Variants in AHNAK2 observed in about 807,000 individuals in gnomAD.
AHNAK2 encodes the protein AHNAK nucleoprotein 2, also known as protein AHNAK2.
Under a neutral mutation model 30.7 loss-of-function variants are expected in AHNAK2, and 18 were observed. The ratio of observed to expected loss-of-function variants is 0.59; its 90% CI spans 0.41 to 0.87. The LOEUF (loss-of-function observed/expected upper bound fraction) is 0.87. Among genes scored for constraint, AHNAK2 ranks in the 40% least tolerant of loss-of-function variants. AHNAK2 has a pLI of 0.00. For synonymous variants in AHNAK2, 3,590 were observed against 3,073.8 expected, an observed-to-expected ratio of 1.17 and a Z score of -5.56; for missense variants, 8,604 against 7,373.0, an observed-to-expected ratio of 1.17 and a Z score of -6.11.
intron 1 of AHNAK2, among the ~76,000 whole-genome samples, chr14:104,974,354 C>T (rs537888746): frequency 6.6e-6 from 1 of 152,358 alleles, no homozygotes; most frequent in African/African-American, 2.4e-5. Context: ...TGGGGCTCCC[C>T]GGTGCCCTCA....
At position 104,938,586 on chromosome 14, in the gene AHNAK2, G is replaced by T; in HGVS notation, c.16865C>A (p.Ala5622Glu). 6.2e-7 allele frequency: 1 copy of T among 1,613,208 alleles called. No homozygotes were observed. Among genetic ancestry groups the T allele is most frequent in the Non-Finnish European group, 8.5e-7 (1 of 1,179,706 alleles). ...GCCTTCATCTGCCAGTGGTGTGGTTGCCTCTTGGCTATCATCAGGGGGAAA... is the reference window on the plus strand; with the variant it reads ...GCCTTCATCTGCCAGTGGTGTGGTTTCCTCTTGGCTATCATCAGGGGGAAA... ...LEFPPDDSQE[A>E]TTPLADEGRA... Residue 5622 changes from alanine to glutamate, a missense_variant, in exon 7 of 7, where the codon GCA becomes GAA. Physicochemically the swap from Ala to Glu is moderately radical, Grantham distance 107 (BLOSUM62 -1). Coordinates refer to ENST00000333244, the MANE Select transcript of AHNAK2 (RefSeq NM_138420.4).
intron 4 of AHNAK2, 69 bp downstream of exon 4, chr14:104,956,519 T>C: frequency 3.3e-6 from 5 of 1,534,044 alleles, no homozygotes; most frequent in Non-Finnish European, 3.6e-6. Context: ...TGCTCTGACC[T>C]CGGACTCTCT....
chr14:104,943,584 A>T lies in AHNAK2; in HGVS notation c.11867T>A (p.Leu3956Gln). 6.2e-7 allele frequency: 1 copy of T among 1,613,092 alleles called. No individual in the cohort carries two copies. Among genetic ancestry groups the T allele is most frequent in the East Asian group, 2.2e-5 (1 of 44,776 alleles). Residue 3956 changes from leucine to glutamine, a missense_variant, in exon 7 of 7, where the codon CTG becomes CAG. Coordinates refer to ENST00000333244, the MANE Select transcript of AHNAK2 (RefSeq NM_138420.4). ...TTTGGCCGTCATGTCCTTGTCGGCC[A>T]GGGACAGGTCCCCCTCCAGCCGCGC... ...DGARLEGDLS[L>Q]ADKDMTAKDS...
rs767730426 is a variant in AHNAK2, at chr14:104,978,283, C to T, written c.-46G>A. 3.0e-5 allele frequency: 26 copies of T among 859,286 alleles called. No homozygotes were observed. The East Asian group carries it at 1.5e-3, about 50-fold the overall frequency. The allele number at this position is 859,286 out of a possible 1,614,324, so 53.2% of individuals were successfully genotyped here. ...GGCCTGGCGGCCCGTCGCGTCCAGTCGCTGGTCCCGGCTCCGGCGCACGGG... is the reference window on the plus strand; with the variant it reads ...GGCCTGGCGGCCCGTCGCGTCCAGTTGCTGGTCCCGGCTCCGGCGCACGGG... On this transcript the variant is annotated 5_prime_UTR_variant, in exon 1 of 7. Coordinates refer to ENST00000333244, the MANE Select transcript of AHNAK2 (RefSeq NM_138420.4).
chr14:104,969,011 TGAA>T (rs1449488605), intron 1 of AHNAK2, among the ~76,000 whole-genome samples: 1 of 152,146 alleles, frequency 6.6e-6, no homozygotes, highest in African/African-American at 2.4e-5. Context: ...TGGAACTTCA[TGAA>T]GAAGGTGCCA....
rs201666537 is a variant in AHNAK2, at chr14:104,950,776, C to T, written c.4675G>A (p.Val1559Met). Reference protein sequence around the residue: ...DLEVQAGQVDVKLPEGPVSEG... With the variant: ...DLEVQAGQVDMKLPEGPVSEG... ...GACACAGGGCCCTCTGGGAGTTTCA[C>T]GTCCACTTGGCCAGCCTGGACCTCC... The change falls in exon 7 of 7, where the codon GTG becomes ATG. Residue 1559 changes from valine to methionine, a missense_variant. Transcript: ENST00000333244. The T allele has an allele frequency of 1.0e-4, 158 of 1,586,734 alleles. 9 individuals are homozygous for T. Among genetic ancestry groups the T allele is most frequent in the African/African-American group, 7.1e-4 (52 of 73,596 alleles).
Position 104,948,121 on chromosome 14 carries a change from C to A in AHNAK2, c.7330G>T (p.Val2444Leu), listed in dbSNP as rs1202459737. 3 of 1,611,520 alleles carry A rather than the reference C, an allele frequency of 1.9e-6. No individual in the cohort carries two copies. In the Admixed American group the frequency reaches 5.0e-5, roughly 27 times the overall value. The change falls in exon 7 of 7, where the codon GTG (valine) becomes TTG (leucine). Residue 2444 changes from valine (V) to leucine (L), a missense_variant. Transcript: ENST00000333244. ...TCCACCTCCACGCTGGGCTGAGACA[C>A]CTCCACGTCGGGGGCCATCACGTCC... ...KTDVMAPDVE[V>L]SQPSVEVDVE...
At chr14:104,973,229 C>G (rs1037317884) in intron 1 of AHNAK2, among the ~76,000 whole-genome samples, 4 of 152,220 alleles carry the variant, frequency 2.6e-5, no homozygotes, top group African/African-American at 9.6e-5. Flanking sequence ...GCGCACTGAA[C>G]AGCTAGTCCT....
In AHNAK2 at chr14:104,938,211, TCTTC is replaced by T. The variant is rs772094274; in HGVS notation, c.17236_17239del (p.Glu5746ArgfsTer4). The T allele has an allele frequency of 5.6e-6, 9 of 1,613,936 alleles. No individual in the cohort carries two copies. The East Asian group carries it at 1.8e-4, about 32-fold the overall frequency. On this transcript the variant is annotated frameshift_variant, in exon 7 of 7. Transcript: ENST00000333244. LOFTEE classifies it low-confidence loss of function (END_TRUNC). ...GCCCACAGGCCCGATCAGTTCACCC[TCTTC>T]CTTCTCTTCAGGGGAGAAACTTTCT...
At position 104,947,091 on chromosome 14, in the gene AHNAK2, C is replaced by G; in HGVS notation, c.8360G>C (p.Arg2787Thr). Residue 2787 changes from arginine (R) to threonine (T), a missense_variant, in exon 7 of 7, where the codon AGA (arginine) becomes ACA (threonine). Physicochemically the swap from Arg to Thr is moderately conservative, Grantham distance 71. Transcript: ENST00000333244. The stretch of plus-strand genomic sequence containing the variant: ...CAGCCGCGCACCATCCAGCTTTGCT[C>G]TCGGGGCCTGGACGTCCACCTCCAT... ...SSMEVDVQAP[R>T]AKLDGARLEG... 1.9e-6 allele frequency: 3 copies of G among 1,612,510 alleles called. No individual in the cohort carries two copies. The South Asian group carries it at 3.3e-5, about 18-fold the overall frequency.
At chr14:104,967,368 A>ACGGTCAAGGGCCCCTGAG (rs1377571553) in intron 1 of AHNAK2, among the ~76,000 whole-genome samples, 1 of 152,230 alleles carries the variant, frequency 6.6e-6, no homozygotes, top group Non-Finnish European at 1.5e-5. Context: ...GGTGGGCACC[A>ACGGTCAAGGGCCCCTGAG]CGGTCAAGGG....
chr14:104,969,630 G>A (rs972580600), intron 1 of AHNAK2, among the ~76,000 whole-genome samples: 1 of 152,228 alleles, frequency 6.6e-6, no homozygotes, highest in East Asian at 1.9e-4. Context: ...AGATCTCCTG[G>A]AAAAGCCTGG....
At position 104,947,762 on chromosome 14, in the gene AHNAK2, T is replaced by G; in HGVS notation, c.7689A>C (p.Lys2563Asn). The G allele has an allele frequency of 6.2e-7, 1 of 1,612,734 alleles. No homozygotes were observed. The highest frequency in any genetic ancestry group is 1.1e-5 in the South Asian group (1 of 91,046). ...EGPVPEGAGL[K>N]GHLPKVQMPS... ...GCATCTGCACCTTGGGCAGGTGCCC[T>G]TTGAGGCCGGCTCCCTCCGGCACAG... Residue 2563 changes from lysine (K) to asparagine (N), a missense_variant, in exon 7 of 7, where the codon AAA (lysine) becomes AAC (asparagine). Coordinates refer to ENST00000333244, the MANE Select transcript of AHNAK2 (RefSeq NM_138420.4).
At chr14:104,959,118 T>C (rs1180639947) in intron 1 of AHNAK2, among the ~76,000 whole-genome samples, 1 of 152,186 alleles carries the variant, frequency 6.6e-6, no homozygotes, top group Non-Finnish European at 1.5e-5. Context: ...GAGGATTGCT[T>C]GAGCCCAGAA....
In AHNAK2 at chr14:104,944,971, C is replaced by G. The variant is rs1898180025; in HGVS notation, c.10480G>C (p.Ala3494Pro). ...GVSAPGRSIE[A>P]SLDVSAPKVE... is the part of the protein sequence containing the mutation. ...TTCGGCGCAGACACATCCAGCGAGG[C>G]CTCGATGGACCTGCCTGGGGCCGAC... is the stretch of plus-strand genomic sequence containing the variant. Residue 3494 changes from alanine to proline, a missense_variant, in exon 7 of 7, where the codon GCC becomes CCC. Transcript: ENST00000333244. 6.2e-7 allele frequency: 1 copy of G among 1,613,042 alleles called. No individual in the cohort carries two copies. Among genetic ancestry groups the G allele is most frequent in the African/African-American group, 1.3e-5 (1 of 74,700 alleles).
In AHNAK2 at chr14:104,953,011, G is replaced by A. The variant is rs200772276; in HGVS notation, c.2440C>T (p.Arg814Trp). The A allele has an allele frequency of 4.6e-5, 74 of 1,612,196 alleles. No homozygotes were observed. Among genetic ancestry groups the A allele is most frequent in the Middle Eastern group, 3.3e-4 (2 of 6,052 alleles). ...QAPRAKLDGA[R>W]LEGDLSLADK... is the part of the protein sequence containing the mutation. The stretch of plus-strand genomic sequence containing the variant: ...GCCAGGGACAGGTCCCCCTCCAGCC[G>A]CGCACCATCCAGCTTTGCTCTCGGG... Residue 814 changes from arginine to tryptophan, a missense_variant, in exon 7 of 7, where the codon CGG becomes TGG. By Grantham distance (101) the Arg-to-Trp change is moderately radical. Coordinates refer to ENST00000333244, the MANE Select transcript of AHNAK2 (RefSeq NM_138420.4).
At chr14:104,977,999 G>A (rs1324522998) in intron 1 of AHNAK2, among the ~76,000 whole-genome samples, 184 bp downstream of exon 1, 1 of 152,158 alleles carries the variant, frequency 6.6e-6, no homozygotes, top group East Asian at 1.9e-4. Flanking sequence ...GGTAGAACGC[G>A]AGGCATGGGA....
intron 1 of AHNAK2, among the ~76,000 whole-genome samples, chr14:104,960,204 A>G (rs540981025): frequency 2.7e-4 from 41 of 152,330 alleles, no homozygotes; most frequent in African/African-American, 9.4e-4. Flanking sequence ...ATACGTGACA[A>G]TAATAGCAAA....
rs113647701 is a variant in AHNAK2, at chr14:104,944,294, C to T, written c.11157G>A (p.Glu3719=). The part of the protein sequence containing the change: ...GQVPEGAGLK[E]HLPKVEMPSL... ...TGGGCATCTCCACCTTGGGCAGGTG[C>T]TCTTTGAGGCCGGCTCCCTCGGGCA... is the stretch of plus-strand genomic sequence containing the variant. The change falls in exon 7 of 7, where the codon GAG becomes GAA. Residue 3719 remains glutamate, a synonymous_variant. Transcript: ENST00000333244. 144 of 1,611,086 alleles carry T rather than the reference C, an allele frequency of 8.9e-5. No individual in the cohort carries two copies. The African/African-American group carries it at 1.5e-3, about 17-fold the overall frequency.
Sources: gnomAD v4.1 joint callset for allele counts (sites outside exome capture counted in the v4.1 genomes callset) on GRCh38, gnomAD v4.1.1 for gene constraint, MANE v1.5 for transcripts, NCBI Gene and HGNC (gene_info 2026-07-23, HGNC 2026-07-21) for gene names.